The following PHACTR1 variants were observed in gnomAD, a reference collection of about 807,000 sequenced individuals.
PHACTR1 encodes the protein RPEL repeat containing 1.
A neutral mutation model predicts 69.2 loss-of-function variants in PHACTR1; 16 were observed. That is an observed-to-expected ratio of 0.23 (90% CI 0.16 to 0.35). PHACTR1 has a LOEUF of 0.35. Ranked by LOEUF, PHACTR1 falls within the 10% of genes least tolerant of loss-of-function variation. The pLI, the probability that PHACTR1 is intolerant of heterozygous loss-of-function variation, is 1.00. For missense variants in PHACTR1, 510 were observed against 734.7 expected (o/e 0.69, Z 3.54); for synonymous variants, 312 against 284.5 (o/e 1.10, Z -0.97).
At chr6:13,212,537 G>A (rs1583970755) in intron 8 of PHACTR1, among the ~76,000 whole-genome samples, 1 of 152,094 alleles carries the variant, frequency 6.6e-6, no homozygotes, top group Non-Finnish European at 1.5e-5. Flanking sequence ...TGTCTTTAAT[G>A]TGGACAGGAA....
At chr6:13,151,148 A>G (rs1237567367) in intron 5 of PHACTR1, among the ~76,000 whole-genome samples, 1 of 152,252 alleles carries the variant, frequency 6.6e-6, no homozygotes, top group East Asian at 1.9e-4. Flanking sequence ...ACTCAGCAGT[A>G]AGCTACCACA....
In PHACTR1 at chr6:13,231,099, GGAA is replaced by G. The variant is rs1562037384; in HGVS notation, c.1391+907_1391+909del. Among the ~76,000 whole-genome samples, 24 of 80,340 alleles carry G rather than the reference GGAA, an allele frequency of 3.0e-4. 1 individual carries two copies. The highest frequency in any genetic ancestry group is 1.0e-3 in the African/African-American group (19 of 18,260). The allele number at this position is 80,340 out of a possible 152,430, so 52.7% of individuals were successfully genotyped here. A position where few individuals can be genotyped will look rare whatever the true frequency, so the allele number is the denominator to read the frequency against. On this transcript the variant is annotated intron_variant, in intron 10 of 14. Transcript: ENST00000332995. The stretch of plus-strand genomic sequence containing the variant: ...AGGAAGGAAGGAAGAAGGAAGGAAG[GGAA>G]AAGAAAGAAGGAAAGAGAGAAAGAA...
At chr6:13,086,083 TAAAAAAAAAA>T (rs776154642) in intron 5 of PHACTR1, among the ~76,000 whole-genome samples, 7 of 60,266 alleles carry the variant, frequency 1.2e-4, no homozygotes, top group Non-Finnish European at 2.1e-4. Flanking sequence ...TACACATTTC[TAAAAAAAAAA>T]AAAAAAAAAA....
chr6:13,210,801 G>A (rs1243209251), intron 8 of PHACTR1, among the ~76,000 whole-genome samples: 1 of 151,830 alleles, frequency 6.6e-6, no homozygotes, highest in African/African-American at 2.4e-5. Context: ...AGTGACCCTA[G>A]AATGGTTTGG....
At chr6:12,978,047 G>A (rs925147118) in intron 4 of PHACTR1, among the ~76,000 whole-genome samples, 1 of 152,162 alleles carries the variant, frequency 6.6e-6, no homozygotes, top group Non-Finnish European at 1.5e-5. Context: ...TTCAGCTCCC[G>A]TATCTTCAAG....
chr6:13,203,546 G>A (rs1317537366), intron 7 of PHACTR1, among the ~76,000 whole-genome samples: 2 of 152,126 alleles, frequency 1.3e-5, no homozygotes, highest in African/African-American at 4.8e-5. Context: ...GATTAACACG[G>A]ACATAATATG....
intron 5 of PHACTR1, among the ~76,000 whole-genome samples, chr6:13,116,231 A>G (rs902446472): frequency 6.6e-6 from 1 of 152,232 alleles, no homozygotes; most frequent in African/African-American, 2.4e-5. Flanking sequence ...TTAAATTAAC[A>G]AAAGCCAGCA....
chr6:12,767,868 A>G (rs1351646067), intron 4 of PHACTR1, among the ~76,000 whole-genome samples: 1 of 152,226 alleles, frequency 6.6e-6, no homozygotes, highest in Non-Finnish European at 1.5e-5. Flanking sequence ...TGTTTAAGTT[A>G]CTGTAGCATA....
chr6:12,935,261 T>C (rs1322529337), intron 4 of PHACTR1, among the ~76,000 whole-genome samples: 1 of 152,184 alleles, frequency 6.6e-6, no homozygotes, highest in Non-Finnish European at 1.5e-5. Flanking sequence ...TTTATTTTTT[T>C]AAGACCGAGT....
chr6:13,120,423 G>A (rs1036577977), intron 5 of PHACTR1, among the ~76,000 whole-genome samples: 1 of 152,190 alleles, frequency 6.6e-6, no homozygotes, highest in Non-Finnish European at 1.5e-5. Flanking sequence ...ATAGGAAAAT[G>A]ATGATCTTAA....
chr6:13,195,144 G>A (rs1272141870), intron 7 of PHACTR1, among the ~76,000 whole-genome samples: 1 of 152,132 alleles, frequency 6.6e-6, no homozygotes, highest in Non-Finnish European at 1.5e-5. Flanking sequence ...GGAACTGATG[G>A]AGCTCCTGTT....
At chr6:12,874,344 G>A (rs1052685221) in intron 4 of PHACTR1, among the ~76,000 whole-genome samples, 1 of 152,124 alleles carries the variant, frequency 6.6e-6, no homozygotes, top group African/African-American at 2.4e-5. Context: ...AATAAGGGGA[G>A]AGCTGAACTC....
intron 4 of PHACTR1, among the ~76,000 whole-genome samples, chr6:12,931,635 G>A (rs1240930043): frequency 3.9e-5 from 6 of 152,012 alleles, no homozygotes; most frequent in East Asian, 1.9e-4. Flanking sequence ...GACTGCTCAC[G>A]TCAGCATCCG....
chr6:13,267,726 GT>G, intron 10 of PHACTR1: 1 of 151,838 alleles, frequency 6.6e-6, no homozygotes, highest in Non-Finnish European at 1.5e-5. Flanking sequence ...CGTGGTTCAT[GT>G]TGGGTAGATT....
intron 5 of PHACTR1, among the ~76,000 whole-genome samples, chr6:13,057,199 C>A (rs188158078): frequency 1.3e-5 from 2 of 152,156 alleles, no homozygotes; most frequent in African/African-American, 4.8e-5. Flanking sequence ...TTCCCAATTA[C>A]CCTGATTTGA....
At chr6:13,166,224 T>C (rs1052464568) in intron 6 of PHACTR1, among the ~76,000 whole-genome samples, 1 of 152,240 alleles carries the variant, frequency 6.6e-6, no homozygotes, top group Non-Finnish European at 1.5e-5. Context: ...AAGTTTAAAA[T>C]TGCTGCCGCC....
chr6:13,223,303 C>G (rs1768981359), intron 8 of PHACTR1, among the ~76,000 whole-genome samples: 1 of 152,096 alleles, frequency 6.6e-6, no homozygotes. Flanking sequence ...CTTTAAGGAA[C>G]CAGATAGATA....
intron 8 of PHACTR1, among the ~76,000 whole-genome samples, chr6:13,209,563 T>A (rs1561998580): frequency 6.6e-6 from 1 of 152,170 alleles, no homozygotes; most frequent in Non-Finnish European, 1.5e-5. Flanking sequence ...TTATAGGTAA[T>A]ATACAAAGTT....
chr6:12,723,167 G>A (rs937182784), intron 3 of PHACTR1, among the ~76,000 whole-genome samples: 2 of 152,116 alleles, frequency 1.3e-5, no homozygotes, highest in Non-Finnish European at 2.9e-5. Flanking sequence ...AACAGACCCT[G>A]GGAGGGCCAG....
Sources: allele counts gnomAD v4.1 joint callset (sites outside exome capture counted in the v4.1 genomes callset), GRCh38; gene constraint gnomAD v4.1.1; transcripts MANE v1.5; gene names NCBI Gene and HGNC (gene_info 2026-07-23, HGNC 2026-07-21).